Variants in LYRM4 observed in about 807,000 individuals in gnomAD.
LYRM4 encodes LYR motif containing 4, also known as LYR motif-containing protein 4.
In LYRM4, 9 loss-of-function variants were observed where a neutral mutation model predicts 11.7. The observed-to-expected ratio is 0.77, with a 90% CI of 0.46 to 1.34. The LOEUF (loss-of-function observed/expected upper bound fraction) is 1.34. Among genes scored for constraint, LYRM4 ranks in the 40% most tolerant of loss-of-function variants. The probability of loss-of-function intolerance (pLI) is 0.00; values close to 1 mark genes in which losing one functional copy is unlikely to be tolerated. For missense variants in LYRM4, 133 were observed against 112.5 expected (o/e 1.18, Z -0.82); for synonymous variants, 42 against 40.4 (o/e 1.04, Z -0.15).
At chr6:5,095,575 C>T in the LYRM4 span, among the ~76,000 whole-genome samples, 2 of 152,152 alleles carry the variant, frequency 1.3e-5, no homozygotes, top group Non-Finnish European at 2.9e-5. Context: ...TTTACATATC[C>T]AGTTAGGTTA....
the LYRM4 span, among the ~76,000 whole-genome samples, chr6:5,051,766 T>C: frequency 6.6e-6 from 1 of 152,142 alleles, no homozygotes; most frequent in Admixed American, 6.5e-5. Context: ...AGGATTCTCA[T>C]GTCTGGAAAA....
At chr6:5,237,031 A>C (rs1763588409) in intron 1 of LYRM4, among the ~76,000 whole-genome samples, 1 of 151,974 alleles carries the variant, frequency 6.6e-6, no homozygotes. Flanking sequence ...GGGGTCTTTG[A>C]CTCTGTCCGT....
chr6:5,212,888 C>T (rs1357587565), intron 2 of LYRM4, among the ~76,000 whole-genome samples: 1 of 152,098 alleles, frequency 6.6e-6, no homozygotes, highest in East Asian at 1.9e-4. Context: ...GGCTGACTTG[C>T]TTATCATGAA....
At chr6:5,145,520 G>A (rs1024668934) in intron 2 of LYRM4, among the ~76,000 whole-genome samples, 4 of 152,114 alleles carry the variant, frequency 2.6e-5, no homozygotes, top group South Asian at 2.1e-4. Context: ...GCGAGGCTGC[G>A]GAATTTCTCT....
chr6:5,157,347 T>A (rs1016053994), intron 2 of LYRM4, among the ~76,000 whole-genome samples: 11 of 152,194 alleles, frequency 7.2e-5, no homozygotes, highest in African/African-American at 2.2e-4. Context: ...TGCAGTACTC[T>A]GATAATTGGT....
At chr6:5,186,592 A>G (rs987675929) in intron 2 of LYRM4, 4 of 977,560 alleles carry the variant, frequency 4.1e-6, no homozygotes. Flanking sequence ...CTACAAAAGC[A>G]CCAGAAGGAA....
the LYRM4 span, chr6:5,086,228 T>A: frequency 6.5e-7 from 1 of 1,535,404 alleles, no homozygotes; most frequent in African/African-American, 1.4e-5. Context: ...CCCAGGGCCG[T>A]GACCGTGCGC....
intron 2 of LYRM4, among the ~76,000 whole-genome samples, chr6:5,163,498 CTTT>C (rs58536562): frequency 7.2e-6 from 1 of 139,302 alleles, no homozygotes; most frequent in African/African-American, 2.6e-5. Flanking sequence ...AGCATTCCAA[CTTT>C]TTTTTTTTTT....
chr6:5,056,024 C>T, the LYRM4 span, among the ~76,000 whole-genome samples: 1 of 151,508 alleles, frequency 6.6e-6, no homozygotes, highest in Non-Finnish European at 1.5e-5. Flanking sequence ...TTATTAGAGA[C>T]AGGGTCTTGC....
At chr6:5,060,098 T>C in the LYRM4 span, among the ~76,000 whole-genome samples, 2 of 152,270 alleles carry the variant, frequency 1.3e-5, no homozygotes, top group African/African-American at 4.8e-5. Flanking sequence ...AATGAGCATG[T>C]ACATTGTTTC....
At chr6:5,101,394 G>T (rs911689861), downstream of LYRM4, among the ~76,000 whole-genome samples, 3 of 152,212 alleles carry the variant, frequency 2.0e-5, no homozygotes, top group Non-Finnish European at 4.4e-5. Flanking sequence ...AATAGTTATT[G>T]CTTACTGTGT....
At chr6:5,071,259 A>C in the LYRM4 span, among the ~76,000 whole-genome samples, 1 of 152,150 alleles carries the variant, frequency 6.6e-6, no homozygotes, top group Non-Finnish European at 1.5e-5. Context: ...TCCCTCCCTC[A>C]AAGTGAACTC....
chr6:5,094,849 G>T, the LYRM4 span, among the ~76,000 whole-genome samples: 1 of 152,178 alleles, frequency 6.6e-6, no homozygotes, highest in Non-Finnish European at 1.5e-5. Flanking sequence ...AGGGGAAGGG[G>T]GATGAAGAGG....
At chr6:5,066,269 C>A in the LYRM4 span, 1 of 717,040 alleles carries the variant, frequency 1.4e-6, no homozygotes, top group Non-Finnish European at 2.6e-6. Context: ...CGGGGATCTG[C>A]CGTTAGTTTC....
intron 2 of LYRM4, among the ~76,000 whole-genome samples, chr6:5,200,232 T>A (rs1033316416): frequency 6.6e-6 from 1 of 152,176 alleles, no homozygotes; most frequent in East Asian, 1.9e-4. Flanking sequence ...TTTGTATGGG[T>A]AGCAAACCCT....
At chr6:5,221,339 T>C (rs1762567469) in intron 1 of LYRM4, among the ~76,000 whole-genome samples, 1 of 152,254 alleles carries the variant, frequency 6.6e-6, no homozygotes, top group African/African-American at 2.4e-5. Flanking sequence ...CAAATCCATA[T>C]ACCCAATTGC....
At chr6:5,082,685 C>T in the LYRM4 span, among the ~76,000 whole-genome samples, 2 of 152,356 alleles carry the variant, frequency 1.3e-5, no homozygotes, top group South Asian at 4.1e-4. Context: ...TGTCCTGTAT[C>T]CAGAATGATC....
chr6:5,213,946 A>C (rs1372863372), intron 2 of LYRM4, among the ~76,000 whole-genome samples: 2 of 152,212 alleles, frequency 1.3e-5, no homozygotes, highest in African/African-American at 4.8e-5. Flanking sequence ...GCTTACTTTC[A>C]TCTGCAGTTT....
the LYRM4 span, among the ~76,000 whole-genome samples, chr6:5,076,418 T>C: frequency 5.3e-5 from 8 of 152,328 alleles, no homozygotes; most frequent in African/African-American, 1.2e-4. Context: ...TACCAATTCA[T>C]TGATAGCCTT....
Sources: gnomAD v4.1 joint callset for allele counts (sites outside exome capture counted in the v4.1 genomes callset) on GRCh38, gnomAD v4.1.1 for gene constraint, MANE v1.5 for transcripts, NCBI Gene and HGNC (gene_info 2026-07-23, HGNC 2026-07-21) for gene names.